Variants in RORB observed in about 807,000 individuals in gnomAD.
The protein encoded by RORB is RAR related orphan receptor B, also known as nuclear receptor ROR-beta.
A neutral mutation model predicts 59.1 loss-of-function variants in RORB; 6 were observed. The ratio of observed to expected loss-of-function variants is 0.10; its 90% CI spans 0.06 to 0.20. RORB has a LOEUF of 0.20. Ranked by LOEUF, RORB falls within the 10% of genes least tolerant of loss-of-function variation. The pLI is 1.00. For missense variants in RORB, 320 were observed against 560.5 expected, an observed-to-expected ratio of 0.57 and a Z score of 4.33; for synonymous variants, 215 against 204.5, an observed-to-expected ratio of 1.05 and a Z score of -0.44.
intron 1 of RORB, among the ~76,000 whole-genome samples, chr9:74,543,826 C>T (rs1826450097): frequency 6.6e-6 from 1 of 152,064 alleles, no homozygotes; most frequent in Admixed American, 6.6e-5. Flanking sequence ...AATATCACTT[C>T]ATCAGAGCCT....
At chr9:74,566,924 T>A (rs1336758577) in intron 1 of RORB, among the ~76,000 whole-genome samples, 1 of 152,222 alleles carries the variant, frequency 6.6e-6, no homozygotes, top group Non-Finnish European at 1.5e-5. Flanking sequence ...TATGTGACTT[T>A]TCTTTCTATG....
chr9:74,531,402 G>A (rs931331146), intron 1 of RORB, among the ~76,000 whole-genome samples: 1 of 151,908 alleles, frequency 6.6e-6, no homozygotes, highest in Non-Finnish European at 1.5e-5. Flanking sequence ...AGTTTTCTAT[G>A]TATTATGCCC....
At chr9:74,602,265 T>C (rs1823077796) in intron 1 of RORB, among the ~76,000 whole-genome samples, 1 of 152,206 alleles carries the variant, frequency 6.6e-6, no homozygotes, top group Non-Finnish European at 1.5e-5. Context: ...AAATTTGTTA[T>C]AGAAACTGTT....
intron 1 of RORB, among the ~76,000 whole-genome samples, chr9:74,577,406 CT>C (rs1307641233): frequency 1.3e-5 from 2 of 152,074 alleles, no homozygotes; most frequent in East Asian, 3.9e-4. Flanking sequence ...ACTTAGTTTC[CT>C]TTGCTCTTCC....
At chr9:74,604,400 T>C (rs1823117643) in intron 1 of RORB, among the ~76,000 whole-genome samples, 2 of 152,160 alleles carry the variant, frequency 1.3e-5, no homozygotes, top group African/African-American at 2.4e-5. Flanking sequence ...AAACAGAAGA[T>C]CATTTTTAGA....
At chr9:74,659,921 A>G (rs1824152495) in intron 4 of RORB, among the ~76,000 whole-genome samples, 1 of 152,156 alleles carries the variant, frequency 6.6e-6, no homozygotes, top group Non-Finnish European at 1.5e-5. Flanking sequence ...TAAAAGAAAA[A>G]GGTTATTATA....
intron 1 of RORB, among the ~76,000 whole-genome samples, chr9:74,591,736 A>G (rs902816682): frequency 6.6e-6 from 1 of 152,216 alleles, no homozygotes; most frequent in African/African-American, 2.4e-5. Flanking sequence ...AAATGTATTC[A>G]CACTAAATTG....
intron 1 of RORB, among the ~76,000 whole-genome samples, chr9:74,575,605 A>G (rs988690280): frequency 3.3e-5 from 5 of 152,084 alleles, no homozygotes; most frequent in African/African-American, 1.2e-4. Flanking sequence ...CTGGACACTC[A>G]CCAAGAAATA....
intron 1 of RORB, among the ~76,000 whole-genome samples, chr9:74,499,884 T>C (rs1027650522): frequency 6.6e-6 from 1 of 152,114 alleles, no homozygotes; most frequent in Non-Finnish European, 1.5e-5. Context: ...GACCCAGCAC[T>C]AGGACCTAGG....
At chr9:74,644,009 T>C (rs1823854379) in intron 4 of RORB, among the ~76,000 whole-genome samples, 1 of 152,246 alleles carries the variant, frequency 6.6e-6, no homozygotes, top group South Asian at 2.1e-4. Flanking sequence ...CAGGAAGTGC[T>C]CAATAACTCT....
chr9:74,638,258 T>A (rs895496798), intron 3 of RORB, among the ~76,000 whole-genome samples: 2 of 152,220 alleles, frequency 1.3e-5, no homozygotes, highest in African/African-American at 4.8e-5. Flanking sequence ...TTAATAGAAA[T>A]CTTTGAAGGA....
chr9:74,497,543 C>A lies in RORB; in HGVS notation c.-434C>A. The A allele has an allele frequency of 4.9e-6, 1 of 206,042 alleles. No homozygotes were observed. Among genetic ancestry groups the A allele is most frequent in the Non-Finnish European group, 9.7e-6 (1 of 103,372 alleles). 12.8% of individuals were successfully genotyped at this position (206,042 alleles called of 1,614,324 possible). ...TCTTTGTAACTAACAAAACCACCAC[C>A]AACTCCTCCTCCTGCTGCTGCCCTT... On this transcript the variant is annotated 5_prime_UTR_variant, in exon 1 of 10. Transcript: ENST00000376896.
intron 1 of RORB, among the ~76,000 whole-genome samples, chr9:74,527,388 C>T (rs1056146329): frequency 7.2e-5 from 11 of 152,036 alleles, no homozygotes; most frequent in African/African-American, 2.6e-4. Flanking sequence ...AGACCAAAAC[C>T]CCCTACCCTA....
chr9:74,555,407 A>G (rs768361258), intron 1 of RORB, among the ~76,000 whole-genome samples: 16 of 152,262 alleles, frequency 1.1e-4, no homozygotes, highest in Non-Finnish European at 2.1e-4. Context: ...AGAAGAATCC[A>G]GAAACCAACG....
rs1334413458 is a variant in RORB at position 74,691,200 on chromosome 9, A to G, written c.*5582A>G. 1 of 152,254 alleles carries G rather than the reference A, an allele frequency of 6.6e-6. No individual in the cohort carries two copies. The highest frequency in any genetic ancestry group is 1.5e-5 in the Non-Finnish European group (1 of 68,082). The allele number at this position is 152,254 out of a possible 1,614,324, so 9.4% of individuals were successfully genotyped here. A position where few individuals can be genotyped will look rare whatever the true frequency, so the allele number is the denominator to read the frequency against. On this transcript the variant is annotated 3_prime_UTR_variant, in exon 10 of 10. Transcript: ENST00000376896. Reference sequence around the variant, plus strand: ...GCATGGCCTCCAGTGGATCAGAGAAAGCAGCTCAGTGATTGTTCTCATGGC... The same window carrying G: ...GCATGGCCTCCAGTGGATCAGAGAAGGCAGCTCAGTGATTGTTCTCATGGC...
chr9:74,629,452 A>G (rs1004383379), intron 1 of RORB, among the ~76,000 whole-genome samples: 2 of 151,958 alleles, frequency 1.3e-5, no homozygotes, highest in Admixed American at 6.6e-5. Flanking sequence ...TATTGTCTCA[A>G]TGATCACAAT....
In RORB at chr9:74,687,026, G is replaced by A. The variant is rs1461890011; in HGVS notation, c.*1408G>A. The A allele has an allele frequency of 6.6e-6, 1 of 152,012 alleles. No individual in the cohort carries two copies. Among genetic ancestry groups the A allele is most frequent in the East Asian group, 1.9e-4 (1 of 5,190 alleles). The allele number at this position is 152,012 out of a possible 1,614,324, so 9.4% of individuals were successfully genotyped here. A position where few individuals can be genotyped will look rare whatever the true frequency, so the allele number is the denominator to read the frequency against. On this transcript the variant is annotated 3_prime_UTR_variant, in exon 10 of 10. Coordinates refer to ENST00000376896, the MANE Select transcript of RORB (RefSeq NM_006914.4). ...ATAAAGAATACAACTGTGACATTAG[G>A]ATCAGAGATTTTAGACTTCCTTGTA...
At chr9:74,610,234 C>A (rs1017549954) in intron 1 of RORB, among the ~76,000 whole-genome samples, 1 of 152,140 alleles carries the variant, frequency 6.6e-6, no homozygotes, top group Non-Finnish European at 1.5e-5. Context: ...TTTCACTTCC[C>A]AAAATTTCGT....
At chr9:74,544,970 T>C (rs1383443680) in intron 1 of RORB, among the ~76,000 whole-genome samples, 12 of 152,154 alleles carry the variant, frequency 7.9e-5, no homozygotes, top group Admixed American at 7.9e-4. Context: ...CACTTCATCC[T>C]AAAATGGGGA....
Sources: gnomAD v4.1 joint callset for allele counts (sites outside exome capture counted in the v4.1 genomes callset) on GRCh38, gnomAD v4.1.1 for gene constraint, MANE v1.5 for transcripts, NCBI Gene and HGNC (gene_info 2026-07-23, HGNC 2026-07-21) for gene names.